The following LCTL variants were observed in gnomAD, a reference collection of about 807,000 sequenced individuals.
The protein encoded by LCTL is lactase-like protein.
In LCTL, 76 loss-of-function variants were observed where a neutral mutation model predicts 75.8. That is an observed-to-expected ratio of 1.00 (90% CI 0.83 to 1.21). The LOEUF (loss-of-function observed/expected upper bound fraction) is 1.21, where lower values mean the gene tolerates loss of function less well. Among genes scored for constraint, LCTL ranks in the 50% most tolerant of loss-of-function variants. LCTL has a pLI of 0.00. For synonymous variants in LCTL, 271 were observed against 268.8 expected (o/e 1.01, Z -0.08); for missense variants, 670 against 712.4 (o/e 0.94, Z 0.68).
intron 6 of LCTL, among the ~76,000 whole-genome samples, chr15:66,559,389 G>A (rs1895825420): frequency 6.6e-6 from 1 of 152,108 alleles, no homozygotes; most frequent in South Asian, 2.1e-4. Context: ...TGATGAAGTG[G>A]AACATGTCAA....
intron 4 of LCTL, among the ~76,000 whole-genome samples, chr15:66,561,589 C>G (rs1029239258): frequency 6.6e-5 from 10 of 152,208 alleles, no homozygotes; most frequent in African/African-American, 2.4e-4. Context: ...GAGGGCCACA[C>G]AGATGTCAGA....
rs749148304 is a variant in LCTL at position 66,557,976 on chromosome 15, G to A, written c.760+6C>T. Reference sequence around the variant, plus strand: ...TCCTGGGTACATGTGTGGGGCCACAGCTCACCTTGCTGCTTGCTGCGCCAC... The same window carrying A: ...TCCTGGGTACATGTGTGGGGCCACAACTCACCTTGCTGCTTGCTGCGCCAC... On this transcript the variant is annotated splice_donor_region_variant and intron_variant, in intron 7 of 12. Coordinates refer to ENST00000341509, the Ensembl canonical transcript of LCTL. 3 of 1,607,272 alleles carry A rather than the reference G, an allele frequency of 1.9e-6. No homozygotes were observed. The highest frequency in any genetic ancestry group is 2.6e-6 in the Non-Finnish European group (3 of 1,174,804).
At chr15:66,552,343 A>G (rs1196622901) in intron 9 of LCTL, among the ~76,000 whole-genome samples, 174 bp from the exon 11 acceptor site, 1 of 152,196 alleles carries the variant, frequency 6.6e-6, no homozygotes, top group African/African-American at 2.4e-5. Context: ...TGTAGGCAGG[A>G]GACAGGTTCT....
chr15:66,561,753 A>C (rs1265429511), intron 4 of LCTL, among the ~76,000 whole-genome samples: 1 of 152,084 alleles, frequency 6.6e-6, no homozygotes, highest in Admixed American at 6.5e-5. Flanking sequence ...AGGGGATGTT[A>C]ATGGGGCAGG....
At chr15:66,553,177 G>C in exon 9 of LCTL, 1 of 1,611,092 alleles carries the variant, frequency 6.2e-7, no homozygotes. Context: ...GAAATCGGAT[G>C]TGCCTTTAAT....
At chr15:66,558,601 A>G (rs1173334037) in intron 6 of LCTL, among the ~76,000 whole-genome samples, 1 of 152,032 alleles carries the variant, frequency 6.6e-6, no homozygotes, top group Non-Finnish European at 1.5e-5. Context: ...ATAGACATGC[A>G]AATCCATGGG....
intron 8 of LCTL, among the ~76,000 whole-genome samples, chr15:66,556,634 G>C (rs921426812): frequency 1.3e-5 from 2 of 152,132 alleles, no homozygotes; most frequent in African/African-American, 4.8e-5. Context: ...GCCTTAAAAA[G>C]GAAGGAAATT....
At chr15:66,564,053 G>C in intron 2 of LCTL, 55 bp from the exon 4 acceptor site, 6 of 1,146,106 alleles carry the variant, frequency 5.2e-6, no homozygotes, top group African/African-American at 1.5e-5. Context: ...ATGGGAGGTA[G>C]GGGTCCATCG....
intron 3 of LCTL, 125 bp downstream of exon 4, chr15:66,563,786 G>T: frequency 1.1e-6 from 1 of 875,732 alleles, no homozygotes; most frequent in Non-Finnish European, 1.8e-6. Flanking sequence ...ACCTGTGAGA[G>T]CTGCTACCGT....
intron 9 of LCTL, among the ~76,000 whole-genome samples, chr15:66,552,568 G>T (rs1895633424): frequency 6.6e-6 from 1 of 151,792 alleles, no homozygotes; most frequent in Admixed American, 6.6e-5. Flanking sequence ...CCACTTAAGA[G>T]GCTGAGGCAG....
intron 6 of LCTL, among the ~76,000 whole-genome samples, chr15:66,559,486 T>C (rs1895827613): frequency 6.6e-6 from 1 of 152,190 alleles, no homozygotes; most frequent in South Asian, 2.1e-4. Context: ...GGTGGGTAGA[T>C]CACGAGGTCA....
chr15:66,563,002 T>G (rs1895929704), intron 4 of LCTL, among the ~76,000 whole-genome samples: 1 of 152,220 alleles, frequency 6.6e-6, no homozygotes, highest in Admixed American at 6.5e-5. Flanking sequence ...ATTAAAGCAG[T>G]GTGACCTCCC....
chr15:66,557,886 T>C lies in LCTL; in HGVS notation c.761-3A>G, dbSNP rs1567060453. On this transcript the variant is annotated splice_region_variant and splice_polypyrimidine_tract_variant and intron_variant, in intron 7 of 12. Transcript: ENST00000341509. ...GTTCAATGAAATTCCCACCAGACCT[T>C]AAAAGAAAAGAAAGAAAAGGGAGTG... 1 of 1,613,406 alleles carries C rather than the reference T, an allele frequency of 6.2e-7. No individual in the cohort carries two copies.
At chr15:66,560,864 C>T in intron 6 of LCTL, 142 bp downstream of exon 7, 1 of 686,332 alleles carries the variant, frequency 1.5e-6, no homozygotes, top group Non-Finnish European at 2.4e-6. Flanking sequence ...ACACGCCCTC[C>T]ATAAATCGTC....
intron 11 of LCTL, among the ~76,000 whole-genome samples, chr15:66,550,715 G>A (rs1895566893): frequency 6.6e-6 from 1 of 152,054 alleles, no homozygotes; most frequent in East Asian, 1.9e-4. Context: ...TTGGCCCCAA[G>A]CAGTCCTCCC....
At chr15:66,564,580 G>T in intron 2 of LCTL, 96 bp downstream of exon 3, 1 of 1,371,704 alleles carries the variant, frequency 7.3e-7, no homozygotes, top group Non-Finnish European at 9.9e-7. Flanking sequence ...TGTCATCAGA[G>T]CTCCCCCAAA....
At chr15:66,557,854 A>G in exon 8 of LCTL, 1 of 1,614,138 alleles carries the variant, frequency 6.2e-7, no homozygotes, top group East Asian at 2.2e-5. Context: ...GGTTCCCCCC[A>G]GTCACAGTTC....
chr15:66,548,692 T>G (rs1479082708), intron 12 of LCTL, 87 bp from the exon 14 acceptor site: 1 of 576,190 alleles, frequency 1.7e-6, no homozygotes, highest in African/African-American at 1.9e-5. Context: ...TTAACTGTAT[T>G]GGGAAAACTT....
At chr15:66,553,905 C>A (rs924531064) in intron 8 of LCTL, among the ~76,000 whole-genome samples, 5 of 152,066 alleles carry the variant, frequency 3.3e-5, no homozygotes, top group Non-Finnish European at 1.5e-5. Flanking sequence ...CCTGTAATTC[C>A]AGCGTTTTGG....
Sources: gnomAD v4.1 joint callset for allele counts (sites outside exome capture counted in the v4.1 genomes callset) on GRCh38, gnomAD v4.1.1 for gene constraint, MANE v1.5 for transcripts, NCBI Gene and HGNC (gene_info 2026-07-23, HGNC 2026-07-21) for gene names.